Variants in ZFHX3 observed in about 807,000 individuals in gnomAD.
ZFHX3 encodes the protein zinc finger homeobox 3, also known as zinc finger homeobox protein 3.
A neutral mutation model predicts 279.1 loss-of-function variants in ZFHX3; 42 were observed. The ratio of observed to expected loss-of-function variants is 0.15; its 90% CI spans 0.12 to 0.19. The LOEUF (loss-of-function observed/expected upper bound fraction) is 0.19, where lower values mean the gene tolerates loss of function less well. Ranked by LOEUF, ZFHX3 falls within the 10% of genes least tolerant of loss-of-function variation. ZFHX3 has a pLI of 1.00. For missense variants in ZFHX3, 4,981 were observed against 4,754.0 expected (o/e 1.05, Z -1.40); for synonymous variants, 2,293 against 1,957.8 (o/e 1.17, Z -4.52).
intron 4 of ZFHX3, among the ~76,000 whole-genome samples, chr16:73,298,505 T>G (rs1597270248): frequency 6.6e-6 from 1 of 151,926 alleles, no homozygotes; most frequent in Admixed American, 6.6e-5. Context: ...TCGTCGTTTT[T>G]TTTTTTTTTT....
chr16:73,272,302 C>T (rs1290911581), intron 4 of ZFHX3, among the ~76,000 whole-genome samples: 1 of 152,002 alleles, frequency 6.6e-6, no homozygotes, highest in African/African-American at 2.4e-5. Context: ...CTATATTTTT[C>T]TCTCCCAGTT....
intron 2 of ZFHX3, among the ~76,000 whole-genome samples, chr16:73,606,625 G>A (rs1488510120): frequency 6.6e-6 from 1 of 152,090 alleles, no homozygotes; most frequent in Admixed American, 6.6e-5. Flanking sequence ...AGGATGTGCA[G>A]GTTTGTTACA....
In ZFHX3 at chr16:73,045,640, CATTATTATTATTATTATTATT is replaced by C. The variant is rs10602067; in HGVS notation, c.-50+2091_-50+2111del. 2.5e-3 allele frequency among the ~76,000 whole-genome samples: 356 copies of C among 142,992 alleles called. 2 individuals carry two copies. The highest frequency in any genetic ancestry group is 8.1e-3 in the African/African-American group (321 of 39,638). The allele number at this position is 142,992 out of a possible 152,430, so 93.8% of individuals were successfully genotyped here. ...TGGTTGGGGAAGCAGCATGGATTTACATTATTATTATTATTATTATTATTATTATTATTATTATTATTATTG... is the reference window on the plus strand; with the variant it reads ...TGGTTGGGGAAGCAGCATGGATTTACATTATTATTATTATTATTATTATTG... On this transcript the variant is annotated intron_variant, in intron 1 of 9. Transcript: ENST00000268489.
chr16:73,877,038 CA>C (rs1312286788), intron 1 of ZFHX3, among the ~76,000 whole-genome samples: 1,344 of 123,966 alleles, frequency 0.011, 20 homozygotes, highest in African/African-American at 0.036. Context: ...TGATGACTTT[CA>C]AAAAAAAAAA....
chr16:72,838,834 T>G (rs1445642783), intron 4 of ZFHX3, among the ~76,000 whole-genome samples: 4 of 152,176 alleles, frequency 2.6e-5, no homozygotes, highest in Non-Finnish European at 5.9e-5. Context: ...AAAGTAAATG[T>G]GCGGTGACAA....
At chr16:72,810,981 A>C (rs2036428249) in intron 7 of ZFHX3, among the ~76,000 whole-genome samples, 1 of 152,170 alleles carries the variant, frequency 6.6e-6, no homozygotes, top group Non-Finnish European at 1.5e-5. Context: ...CCTGGGCTCA[A>C]GTGATCCTCC....
chr16:73,067,253 C>T (rs190664671), intron 8 of ZFHX3, among the ~76,000 whole-genome samples: 1 of 152,318 alleles, frequency 6.6e-6, no homozygotes. Context: ...AGCCTGGGAA[C>T]GCTGCAGCAG....
chr16:73,371,964 G>A (rs1314132964), intron 3 of ZFHX3, among the ~76,000 whole-genome samples: 1 of 152,184 alleles, frequency 6.6e-6, no homozygotes, highest in African/African-American at 2.4e-5. Context: ...CTAAACATCA[G>A]TGCTGCGTTC....
chr16:73,192,683 A>G (rs4542682), intron 5 of ZFHX3, among the ~76,000 whole-genome samples: 152,149 of 152,332 alleles, frequency 1, 75,983 homozygotes, highest in Middle Eastern at 1. Flanking sequence ...CCCGTGGAGC[A>G]CCACTCCAGT....
At chr16:72,909,139 C>T (rs1367876712) in intron 3 of ZFHX3, among the ~76,000 whole-genome samples, 4 of 152,144 alleles carry the variant, frequency 2.6e-5, no homozygotes, top group Admixed American at 6.5e-5. Context: ...GCATGAAAAG[C>T]GGTTTGGGGA....
intron 4 of ZFHX3, among the ~76,000 whole-genome samples, chr16:72,834,049 C>T (rs1454690118): frequency 6.6e-6 from 1 of 152,094 alleles, no homozygotes; most frequent in Non-Finnish European, 1.5e-5. Context: ...GAGTTTGAGA[C>T]CAACCTGGGC....
At chr16:73,554,463 G>C (rs2020245114) in intron 2 of ZFHX3, 1 of 152,164 alleles carries the variant, frequency 6.6e-6, no homozygotes, top group Non-Finnish European at 1.5e-5. Flanking sequence ...CTTGCCTTCA[G>C]CACTTCAGTT....
chr16:73,589,674 G>A (rs2051970976), intron 2 of ZFHX3, among the ~76,000 whole-genome samples: 1 of 128,260 alleles, frequency 7.8e-6, no homozygotes, highest in African/African-American at 2.8e-5. Flanking sequence ...AGCTTGCAGT[G>A]AGCCAAGATC....
intron 5 of ZFHX3, among the ~76,000 whole-genome samples, chr16:73,212,028 TGAA>T: frequency 6.6e-6 from 1 of 152,312 alleles, no homozygotes; most frequent in East Asian, 1.9e-4. Context: ...ATGTTTAGAC[TGAA>T]ATTGACCCTG....
chr16:73,423,196 T>A (rs1436826145), intron 3 of ZFHX3, among the ~76,000 whole-genome samples: 1 of 150,960 alleles, frequency 6.6e-6, no homozygotes, highest in African/African-American at 2.4e-5. Flanking sequence ...ACAAAATTCA[T>A]CCTATAACAC....
chr16:73,630,839 G>C (rs766477629), intron 2 of ZFHX3, among the ~76,000 whole-genome samples: 11 of 152,174 alleles, frequency 7.2e-5, no homozygotes, highest in Admixed American at 2.6e-4. Context: ...ATATGTTTTT[G>C]ACAATGCCAT....
At chr16:73,129,922 G>T (rs1381782307) in intron 7 of ZFHX3, among the ~76,000 whole-genome samples, 1 of 152,016 alleles carries the variant, frequency 6.6e-6, no homozygotes, top group Non-Finnish European at 1.5e-5. Flanking sequence ...CATCCTCCTT[G>T]TGTTTAAGGC....
intron 1 of ZFHX3, among the ~76,000 whole-genome samples, chr16:73,749,146 C>T (rs1217907685): frequency 6.6e-6 from 1 of 152,120 alleles, no homozygotes; most frequent in South Asian, 2.1e-4. Flanking sequence ...TAGATCCCGC[C>T]ATATTGGACC....
intron 4 of ZFHX3, among the ~76,000 whole-genome samples, chr16:73,263,254 C>T (rs1427329094): frequency 6.6e-6 from 1 of 151,682 alleles, no homozygotes; most frequent in Non-Finnish European, 1.5e-5. Context: ...AGAGGGCAGT[C>T]ACTACAGCCT....
Sources: gnomAD v4.1 joint callset for allele counts (sites outside exome capture counted in the v4.1 genomes callset) on GRCh38, gnomAD v4.1.1 for gene constraint, MANE v1.5 for transcripts, NCBI Gene and HGNC (gene_info 2026-07-23, HGNC 2026-07-21) for gene names.